The following VSTM2L variants were observed in gnomAD, a reference collection of about 807,000 sequenced individuals.
VSTM2L encodes the protein V-set and transmembrane domain-containing protein 2-like protein.
A neutral mutation model predicts 19.9 loss-of-function variants in VSTM2L; 9 were observed. The observed-to-expected ratio is 0.45, with a 90% CI of 0.27 to 0.79. VSTM2L has a LOEUF of 0.79. VSTM2L is among the 30% of genes least tolerant of loss of function. The pLI is 0.15. For synonymous variants in VSTM2L, 127 were observed against 133.8 expected, an observed-to-expected ratio of 0.95 and a Z score of 0.35; for missense variants, 286 against 295.5, an observed-to-expected ratio of 0.97 and a Z score of 0.24.
At chr20:37,927,231 C>T (rs1310818925) in intron 1 of VSTM2L, among the ~76,000 whole-genome samples, 1 of 152,240 alleles carries the variant, frequency 6.6e-6, no homozygotes, top group Non-Finnish European at 1.5e-5. Flanking sequence ...CCCCAAAATG[C>T]TGGGATTACA....
chr20:37,919,414 G>A (rs1381234405), intron 1 of VSTM2L, among the ~76,000 whole-genome samples: 2 of 152,244 alleles, frequency 1.3e-5, no homozygotes, highest in Non-Finnish European at 2.9e-5. Context: ...CCCTGGGGAG[G>A]AGAGGGCCCT....
At chr20:37,932,623 A>AAC (rs918284323) in intron 2 of VSTM2L, among the ~76,000 whole-genome samples, 1 of 152,128 alleles carries the variant, frequency 6.6e-6, no homozygotes, top group Non-Finnish European at 1.5e-5. Flanking sequence ...CTACTGTGGT[A>AAC]ACTAACCAAC....
intron 1 of VSTM2L, among the ~76,000 whole-genome samples, chr20:37,928,218 G>A (rs1161186336): frequency 6.6e-6 from 1 of 152,206 alleles, no homozygotes; most frequent in Admixed American, 6.5e-5. Flanking sequence ...GGGCAGGAGG[G>A]ATGTGAATCA....
intron 1 of VSTM2L, among the ~76,000 whole-genome samples, chr20:37,920,633 G>T (rs1046776644): frequency 4.6e-5 from 7 of 152,220 alleles, no homozygotes; most frequent in African/African-American, 1.7e-4. Flanking sequence ...GGAGGAGAGG[G>T]ACAGTGGGGA....
chr20:37,909,588 G>A (rs2122935001), intron 1 of VSTM2L, among the ~76,000 whole-genome samples: 1 of 152,272 alleles, frequency 6.6e-6, no homozygotes, highest in East Asian at 1.9e-4. Flanking sequence ...AGGAATCTAT[G>A]TTTATAGGGG....
intron 1 of VSTM2L, among the ~76,000 whole-genome samples, chr20:37,920,915 TTG>T (rs1261181380): frequency 7.3e-4 from 110 of 150,492 alleles, no homozygotes; most frequent in Admixed American, 3.1e-3. Flanking sequence ...GATTGATTGA[TTG>T]ATTCATTCAT....
At chr20:37,903,544 G>T (rs888439508) in intron 1 of VSTM2L, 73 bp downstream of exon 1, 28 of 1,335,060 alleles carry the variant, frequency 2.1e-5, no homozygotes, top group African/African-American at 3.1e-5. Context: ...CAACTTGGCC[G>T]CCCCGGGGCT....
intron 1 of VSTM2L, among the ~76,000 whole-genome samples, chr20:37,911,803 TTTGC>T (rs1195272233): frequency 6.6e-6 from 1 of 152,218 alleles, no homozygotes; most frequent in Non-Finnish European, 1.5e-5. Flanking sequence ...CAATGGTGAG[TTTGC>T]TTGAGCTCCA....
chr20:37,931,694 G>A lies in VSTM2L; in HGVS notation c.181G>A (p.Ala61Thr), dbSNP rs995476161. The A allele has an allele frequency of 3.7e-6, 6 of 1,613,476 alleles. No individual in the cohort carries two copies. The African/African-American group carries it at 4.0e-5, about 11-fold the overall frequency. ...TARTGEDVEM[A>T]CSFRGSGSPS... Reference sequence around the variant, plus strand: ...ACGGACGGGCGAGGACGTGGAGATGGCCTGCTCCTTCCGCGGCAGCGGCTC... The same window carrying A: ...ACGGACGGGCGAGGACGTGGAGATGACCTGCTCCTTCCGCGGCAGCGGCTC... The change falls in exon 2 of 4, where the codon GCC becomes ACC. Residue 61 changes from alanine (A) to threonine (T), a missense_variant. Ala to Thr is a moderately conservative substitution (Grantham distance 58). Coordinates refer to ENST00000373461, the MANE Select transcript of VSTM2L (RefSeq NM_080607.3).
intron 1 of VSTM2L, among the ~76,000 whole-genome samples, chr20:37,928,750 G>A (rs2072892539): frequency 6.6e-6 from 1 of 152,100 alleles, no homozygotes; most frequent in Non-Finnish European, 1.5e-5. Flanking sequence ...GCGAGACCCT[G>A]TCTCAAAAAT....
chr20:37,934,548 C>T (rs546636876), intron 3 of VSTM2L, among the ~76,000 whole-genome samples: 1 of 152,306 alleles, frequency 6.6e-6, no homozygotes, highest in Non-Finnish European at 1.5e-5. Flanking sequence ...TTTGTGTGTC[C>T]TCGCATGCGC....
chr20:37,943,908 A>AGCCC, intron 3 of VSTM2L, 73 bp from the exon 4 acceptor site: 2 of 176,980 alleles, frequency 1.1e-5, no homozygotes, highest in Non-Finnish European at 2.1e-5. Flanking sequence ...CGATCTTGGG[A>AGCCC]CCCCCCCCCC....
chr20:37,912,090 C>T (rs890299639), intron 1 of VSTM2L, among the ~76,000 whole-genome samples: 4 of 152,212 alleles, frequency 2.6e-5, no homozygotes, highest in Admixed American at 1.3e-4. Context: ...TGCTAGGAGG[C>T]GGGCCCTCCC....
At chr20:37,930,958 C>T (rs940781734) in intron 1 of VSTM2L, among the ~76,000 whole-genome samples, 8 of 152,272 alleles carry the variant, frequency 5.3e-5, no homozygotes, top group East Asian at 1.9e-4. Context: ...GAGGACCTTT[C>T]GGGGGGTGAC....
At chr20:37,918,466 C>G (rs889087715) in intron 1 of VSTM2L, among the ~76,000 whole-genome samples, 3 of 152,204 alleles carry the variant, frequency 2.0e-5, no homozygotes, top group Non-Finnish European at 4.4e-5. Flanking sequence ...CTTCAGCAGG[C>G]AAGCTTCTTT....
intron 1 of VSTM2L, among the ~76,000 whole-genome samples, chr20:37,909,779 A>G (rs2072769711): frequency 6.6e-6 from 1 of 152,046 alleles, no homozygotes; most frequent in African/African-American, 2.4e-5. Flanking sequence ...TTCTCCCCTG[A>G]CCCTGATGAG....
chr20:37,928,948 G>T (rs985144006), intron 1 of VSTM2L, among the ~76,000 whole-genome samples: 19 of 152,188 alleles, frequency 1.2e-4, no homozygotes, highest in Non-Finnish European at 2.6e-4. Flanking sequence ...TAAAATTCAG[G>T]TCCTCAGTCA....
intron 1 of VSTM2L, among the ~76,000 whole-genome samples, chr20:37,917,711 C>T (rs928411371): frequency 2.0e-5 from 3 of 152,200 alleles, no homozygotes; most frequent in Non-Finnish European, 4.4e-5. Flanking sequence ...GGCCCCTTCC[C>T]CTGTTAGCCA....
rs745737879 is a variant in VSTM2L at position 37,939,311 on chromosome 20, G to T, written c.343-4670G>T. 2.0e-5 allele frequency among the ~76,000 whole-genome samples: 3 copies of T among 152,072 alleles called. No homozygotes were observed. The South Asian group carries it at 6.2e-4, about 32-fold the overall frequency. ...GCCACAGCTACTCAGGAGGTCGGAG[G>T]GGGTGCTGAAGCGGGAGGATTGCTT... On this transcript the variant is annotated intron_variant, in intron 3 of 3. Coordinates refer to ENST00000373461, the MANE Select transcript of VSTM2L (RefSeq NM_080607.3).
Sources: gnomAD v4.1 joint callset for allele counts (sites outside exome capture counted in the v4.1 genomes callset) on GRCh38, gnomAD v4.1.1 for gene constraint, MANE v1.5 for transcripts, NCBI Gene and HGNC (gene_info 2026-07-23, HGNC 2026-07-21) for gene names.